The following ZNF467 variants were observed in gnomAD, a reference collection of about 807,000 sequenced individuals.
ZNF467 encodes the protein zinc finger protein EZI.
A neutral mutation model predicts 47.8 loss-of-function variants in ZNF467; 51 were observed. The observed-to-expected ratio is 1.07, with a 90% CI of 0.85 to 1.35. The LOEUF (loss-of-function observed/expected upper bound fraction) is 1.35. Ranked by LOEUF, ZNF467 falls within the 40% of genes most tolerant of loss-of-function variation. The pLI, the probability that ZNF467 is intolerant of heterozygous loss-of-function variation, is 0.00. For missense variants in ZNF467, 992 were observed against 858.1 expected, an observed-to-expected ratio of 1.16 and a Z score of -1.95; for synonymous variants, 416 against 372.9, an observed-to-expected ratio of 1.12 and a Z score of -1.33.
chr7:149,776,453 G>A (rs1799582992), upstream of ZNF467: 4 of 1,344,398 alleles, frequency 3.0e-6, no homozygotes, highest in African/African-American at 3.0e-5. Context: ...CGCCTGGGCT[G>A]GCGGCTGGAC....
chr7:149,771,934 C>G (rs1407364919), intron 1 of ZNF467, among the ~76,000 whole-genome samples: 1 of 150,290 alleles, frequency 6.7e-6, no homozygotes, highest in African/African-American at 2.5e-5. Flanking sequence ...CCTCCCCTGA[C>G]CCTACGCTCC....
chr7:149,771,974 C>A (rs1207567028), intron 1 of ZNF467, among the ~76,000 whole-genome samples: 1 of 149,648 alleles, frequency 6.7e-6, no homozygotes, highest in African/African-American at 2.5e-5. Flanking sequence ...GCTCCCCTCC[C>A]CCTCTCAGAC....
chr7:149,765,944 GC>G lies in ZNF467; in HGVS notation c.557del (p.Gly186AlafsTer46). ...RLHQRLHRGE[G>X]PCACPDCGRS... ...GGCCGCAGTCCGGGCAGGCGCAGGG[GC>G]CCTCGCCCCGGTGCAGCCGCTGGTG... is the stretch of plus-strand genomic sequence containing the variant. On this transcript the variant is annotated frameshift_variant, in exon 5 of 5. Transcript: ENST00000302017. LOFTEE classifies it high-confidence loss of function. 1 of 1,552,864 alleles carries G rather than the reference GC, an allele frequency of 6.4e-7. No homozygotes were observed.
intron 1 of ZNF467, 101 bp from the exon 2 acceptor site, chr7:149,771,175 C>A: frequency 1.1e-6 from 1 of 896,430 alleles, no homozygotes; most frequent in Non-Finnish European, 1.7e-6. Flanking sequence ...CCAGGAGCTC[C>A]AAAGGTGACA....
rs1052359105 is a variant in ZNF467, at chr7:149,769,474, T to C, written c.152-274A>G. Among the ~76,000 whole-genome samples the C allele has an allele frequency of 3.0e-4, 45 of 152,112 alleles. No individual in the cohort carries two copies. Among genetic ancestry groups the C allele is most frequent in the African/African-American group, 1.0e-3 (43 of 41,426 alleles). On this transcript the variant is annotated intron_variant, in intron 3 of 4. Coordinates refer to ENST00000302017, the MANE Select transcript of ZNF467 (RefSeq NM_207336.3). This position sits in a 1 kb window ranked among gnomAD's most constrained non-coding sequence, Gnocchi z 5.3. Reference sequence around the variant, plus strand: ...GTGAAGAGTTCCTGGAATATGTGTATGTAAGACAGTGGAAGCAAGGAAGTC... The same window carrying C: ...GTGAAGAGTTCCTGGAATATGTGTACGTAAGACAGTGGAAGCAAGGAAGTC...
At position 149,769,279 on chromosome 7, in the gene ZNF467, G is replaced by C. The variant is rs1799317005; in HGVS notation, c.152-79C>G. 2 of 1,321,146 alleles carry C rather than the reference G, an allele frequency of 1.5e-6. No homozygotes were observed. The highest frequency in any genetic ancestry group is 1.0e-6 in the Non-Finnish European group (1 of 977,686). 81.8% of individuals were successfully genotyped at this position (1,321,146 alleles called of 1,614,324 possible). Reference sequence around the variant, plus strand: ...GGGCCCCACTGGTGCTGGGAAGCAGGAGCATTTGAAACCCTGGCTCCAGCA... The same window carrying C: ...GGGCCCCACTGGTGCTGGGAAGCAGCAGCATTTGAAACCCTGGCTCCAGCA... On this transcript the variant is annotated intron_variant, in intron 3 of 4. Coordinates refer to ENST00000302017, the MANE Select transcript of ZNF467 (RefSeq NM_207336.3). The surrounding 1 kb of genome is among the most constrained non-coding windows in gnomAD (Gnocchi z 5.3).
intron 4 of ZNF467, among the ~76,000 whole-genome samples, chr7:149,768,396 C>T (rs1033480462): frequency 2.6e-5 from 4 of 152,214 alleles, no homozygotes; most frequent in African/African-American, 9.7e-5. Flanking sequence ...ACCGAAGCTC[C>T]TGGAGGCAAG....
At chr7:149,771,899 C>G (rs1799426462) in intron 1 of ZNF467, among the ~76,000 whole-genome samples, 1 of 150,234 alleles carries the variant, frequency 6.7e-6, no homozygotes, top group South Asian at 2.1e-4. Flanking sequence ...GAGGCCCCGT[C>G]CGGGTCGGCC....
chr7:149,775,994 G>C, upstream of ZNF467: 2 of 1,335,306 alleles, frequency 1.5e-6, no homozygotes, highest in Non-Finnish European at 2.0e-6. Flanking sequence ...TGCCTCTCTT[G>C]AGCCCAAGCC....
At chr7:149,775,620 T>C (rs1475303090), upstream of ZNF467, among the ~76,000 whole-genome samples, 4 of 152,144 alleles carry the variant, frequency 2.6e-5, no homozygotes, top group Non-Finnish European at 4.4e-5. Flanking sequence ...CTGAAATTTT[T>C]ACTGGGAAGG....
upstream of ZNF467, among the ~76,000 whole-genome samples, chr7:149,775,889 G>GC (rs1376923399): frequency 1.3e-5 from 2 of 149,892 alleles, no homozygotes; most frequent in Non-Finnish European, 2.9e-5. Context: ...CTGGAATAAA[G>GC]CCCCCCACAG....
In ZNF467 at chr7:149,765,955, G is replaced by A. The variant is rs547385859; in HGVS notation, c.547C>T (p.Arg183Trp). The A allele has an allele frequency of 7.0e-4, 1,091 of 1,552,490 alleles. 1 individual carries two copies. Among genetic ancestry groups the A allele is most frequent in the Non-Finnish European group, 9.0e-4 (1,031 of 1,149,174 alleles). Residue 183 changes from arginine (R) to tryptophan (W), a missense_variant, in exon 5 of 5, where the codon CGG (arginine) becomes TGG (tryptophan). Coordinates refer to ENST00000302017, the MANE Select transcript of ZNF467 (RefSeq NM_207336.3). ...LTLRLHQRLHRGEGPCACPDC... is the reference protein window; with the variant it reads ...LTLRLHQRLHWGEGPCACPDC... ...GGGCAGGCGCAGGGGCCCTCGCCCC[G>A]GTGCAGCCGCTGGTGCAGTCGCAAC...
chr7:149,770,424 G>C lies in ZNF467; in HGVS notation c.151+16C>G. The C allele has an allele frequency of 6.3e-7, 1 of 1,592,670 alleles. No homozygotes were observed. The highest frequency in any genetic ancestry group is 1.1e-5 in the South Asian group (1 of 89,256). ...GGGACTCCTCCCTGAGCCTTTCCAG[G>C]GTTCCTGTTACCTACCTGAGCACAC... On this transcript the variant is annotated intron_variant, in intron 3 of 4. Coordinates refer to ENST00000302017, the MANE Select transcript of ZNF467 (RefSeq NM_207336.3).
rs1478449752 is a variant in ZNF467, at chr7:149,765,409, C to T, written c.1093G>A (p.Gly365Ser). ...FACSDCGLSF[G>S]WKKNLATHQC... is the part of the protein sequence containing the mutation. The stretch of plus-strand genomic sequence containing the variant: ...TGCGTGGCGAGGTTCTTTTTCCAGC[C>T]GAAGCTCAAGCCGCAGTCGGAGCAC... The change falls in exon 5 of 5, where the codon GGC (glycine) becomes AGC (serine). Residue 365 changes from glycine to serine, a missense_variant. By Grantham distance (56) the Gly-to-Ser change is moderately conservative. Transcript: ENST00000302017. 1 of 1,572,928 alleles carries T rather than the reference C, an allele frequency of 6.4e-7. No individual in the cohort carries two copies. The highest frequency in any genetic ancestry group is 2.3e-5 in the East Asian group (1 of 43,140).
rs1004691981 is a variant in ZNF467, at chr7:149,764,785, G to C, written c.1717C>G (p.Pro573Ala). The change falls in exon 5 of 5, where the codon CCG becomes GCG. Residue 573 changes from proline to alanine, a missense_variant. Pro to Ala is a conservative substitution (Grantham distance 27). Transcript: ENST00000302017. ...GCTGGGGCCGCAAGGGCGGCGTCCG[G>C]GGCCGCGTGGGCGGCTTCGCCGTGA... The part of the protein sequence containing the change: ...LIHGEAAHAA[P>A]DAALAAPAWS... 6.6e-7 allele frequency: 1 copy of C among 1,523,584 alleles called. No homozygotes were observed. Among genetic ancestry groups the C allele is most frequent in the East Asian group, 2.3e-5 (1 of 43,844 alleles). The allele number at this position is 1,523,584 out of a possible 1,614,324, so 94.4% of individuals were successfully genotyped here. A position where few individuals can be genotyped will look rare whatever the true frequency, so the allele number is the denominator to read the frequency against.
At position 149,765,703 on chromosome 7, in the gene ZNF467, T is replaced by A; in HGVS notation, c.799A>T (p.Thr267Ser). The part of the protein sequence containing the change: ...IHLGSHQKTH[T>S]GERPFPCTEC... ...GTGCAGGGGAAGGGCCGCTCGCCGG[T>A]GTGGGTCTTTTGGTGCGAGCCCAGG... The change falls in exon 5 of 5, where the codon ACC (threonine) becomes TCC (serine). Residue 267 changes from threonine to serine, a missense_variant. Transcript: ENST00000302017. 1 of 1,612,648 alleles carries A rather than the reference T, an allele frequency of 6.2e-7. No homozygotes were observed. The highest frequency in any genetic ancestry group is 2.2e-5 in the East Asian group (1 of 44,810).
chr7:149,765,853 G>A lies in ZNF467; in HGVS notation c.649C>T (p.Pro217Ser). 1 of 1,606,108 alleles carries A rather than the reference G, an allele frequency of 6.2e-7. No individual in the cohort carries two copies. The highest frequency in any genetic ancestry group is 8.5e-7 in the Non-Finnish European group (1 of 1,176,712). The part of the protein sequence containing the change: ...QRSHRGERPF[P>S]CSECDKRFSK... ...AAGCGCTTGTCGCACTCGGAGCACG[G>A]GAAAGGCCGCTCGCCGCGGTGGCTG... The change falls in exon 5 of 5, where the codon CCG becomes TCG. Residue 217 changes from proline to serine, a missense_variant. By Grantham distance (74) the Pro-to-Ser change is moderately conservative. Transcript: ENST00000302017.
At chr7:149,775,051 C>T (rs1311884071), upstream of ZNF467, among the ~76,000 whole-genome samples, 1 of 152,154 alleles carries the variant, frequency 6.6e-6, no homozygotes, top group Non-Finnish European at 1.5e-5. Flanking sequence ...ACCCCGGATT[C>T]CCCTGTGGAG....
At chr7:149,768,626 G>A (rs1030773018) in intron 4 of ZNF467, among the ~76,000 whole-genome samples, 5 of 152,230 alleles carry the variant, frequency 3.3e-5, no homozygotes, top group African/African-American at 1.2e-4. Context: ...GAGAGAGTGA[G>A]CAGTTTGATC....
Sources: gnomAD v4.1 joint callset for allele counts (sites outside exome capture counted in the v4.1 genomes callset) on GRCh38, gnomAD v4.1.1 for gene constraint, Gnocchi (gnomAD v3.1) non-coding constraint, MANE v1.5 for transcripts, NCBI Gene and HGNC (gene_info 2026-07-23, HGNC 2026-07-21) for gene names.